VWA8: variants seen among roughly 807,000 people sequenced by gnomAD.
VWA8 encodes the protein von Willebrand factor A domain-containing protein 8.
A neutral mutation model predicts 241.5 loss-of-function variants in VWA8; 221 were observed. The ratio of observed to expected loss-of-function variants is 0.91; its 90% confidence interval spans 0.82 to 1.02. The LOEUF (loss-of-function observed/expected upper bound fraction) is 1.02. Ranked by LOEUF, VWA8 falls within the 50% of genes least tolerant of loss-of-function variation. VWA8 has a pLI of 0.00. For synonymous variants in VWA8, 852 were observed against 827.1 expected (o/e 1.03, Z -0.52); for missense variants, 2,322 against 2,328.7 (o/e 1.00, Z 0.06).
chr13:41,632,208 A>C (rs1253158284), intron 37 of VWA8, among the ~76,000 whole-genome samples: 45 of 152,188 alleles, frequency 3.0e-4, no homozygotes, highest in Admixed American at 2.9e-3. Context: ...ATTAAAGCTC[A>C]ATGATCTCTC....
chr13:41,864,298 A>T (rs1873187256), intron 12 of VWA8, among the ~76,000 whole-genome samples: 2 of 152,184 alleles, frequency 1.3e-5, no homozygotes. Context: ...ATATGATCCA[A>T]TAATTCCATT....
Position 41,717,151 on chromosome 13 carries a change from G to T in VWA8, c.3116+2440C>A, listed in dbSNP as rs921308663. On this transcript the variant is annotated intron_variant, in intron 26 of 44. Coordinates refer to ENST00000379310, the MANE Select transcript of VWA8 (RefSeq NM_015058.2). The stretch of plus-strand genomic sequence containing the variant: ...ATAATTGCATATTCTGGCCTGGCCA[G>T]GGCAGTCTTATTTTACACTCTTTTT... 5.9e-5 allele frequency among the ~76,000 whole-genome samples: 9 copies of T among 151,960 alleles called. No individual in the cohort carries two copies. In the South Asian group the frequency reaches 1.7e-3, roughly 28 times the overall value.
At chr13:41,787,975 A>G (rs1387335929) in intron 17 of VWA8, among the ~76,000 whole-genome samples, 1 of 152,214 alleles carries the variant, frequency 6.6e-6, no homozygotes, top group Admixed American at 6.5e-5. Flanking sequence ...AGTTTCTAAC[A>G]TAAGCTTCTG....
At chr13:41,583,605 T>C (rs1365811550) in intron 42 of VWA8, among the ~76,000 whole-genome samples, 1 of 140,130 alleles carries the variant, frequency 7.1e-6, no homozygotes, top group East Asian at 2.1e-4. Flanking sequence ...ATCACGCCAC[T>C]GCACTCCAGC....
At chr13:41,817,663 G>A (rs1346445869) in intron 15 of VWA8, among the ~76,000 whole-genome samples, 1 of 152,100 alleles carries the variant, frequency 6.6e-6, no homozygotes, top group Non-Finnish European at 1.5e-5. Flanking sequence ...CTATGACTGA[G>A]TAATTTACTC....
intron 18 of VWA8, among the ~76,000 whole-genome samples, chr13:41,784,459 T>G (rs1869043540): frequency 6.6e-6 from 1 of 151,756 alleles, no homozygotes; most frequent in Non-Finnish European, 1.5e-5. Flanking sequence ...GCCTAGGGGT[T>G]CAAGACCAGC....
In VWA8 at chr13:41,611,606, C is replaced by T; in HGVS notation, c.4847G>A (p.Arg1616Lys). 1.2e-6 allele frequency: 2 copies of T among 1,614,094 alleles called. No individual in the cohort carries two copies. The highest frequency in any genetic ancestry group is 1.7e-6 in the Non-Finnish European group (2 of 1,179,960). ...CTGGAATGCTCTCTGGCCCATCTCTCTAGCAGCTCTCTTGACCTCTTCGGG... is the reference window on the plus strand; with the variant it reads ...CTGGAATGCTCTCTGGCCCATCTCTTTAGCAGCTCTCTTGACCTCTTCGGG... Reference protein sequence around the residue: ...AVPEEVKRAAREMGQRAFQQR... With the variant: ...AVPEEVKRAAKEMGQRAFQQR... Residue 1616 changes from arginine to lysine, a missense_variant, in exon 39 of 45, where the codon AGA (arginine) becomes AAA (lysine). Arg to Lys is a conservative substitution (Grantham distance 26). Transcript: ENST00000379310.
intron 15 of VWA8, among the ~76,000 whole-genome samples, chr13:41,818,622 G>A (rs975120006): frequency 6.6e-6 from 1 of 152,062 alleles, no homozygotes; most frequent in Non-Finnish European, 1.5e-5. Flanking sequence ...GCATTGAAGC[G>A]TGCAGTTCTA....
intron 17 of VWA8, among the ~76,000 whole-genome samples, chr13:41,788,019 T>C (rs1869285462): frequency 6.6e-6 from 1 of 152,178 alleles, no homozygotes; most frequent in South Asian, 2.1e-4. Flanking sequence ...TCGTTCTTCC[T>C]ATTAAAAAAT....
chr13:41,573,486 A>AAAATAAATAAATATATATATATAT, intron 43 of VWA8, among the ~76,000 whole-genome samples: 1 of 113,614 alleles, frequency 8.8e-6, no homozygotes, highest in African/African-American at 3.4e-5. Flanking sequence ...AAAAAAAAAA[A>AAAATAAATAAATATATATATATAT]ATATATATAT....
intron 9 of VWA8, among the ~76,000 whole-genome samples, chr13:41,880,451 C>T (rs1457137639): frequency 1.3e-5 from 2 of 152,152 alleles, no homozygotes; most frequent in Admixed American, 6.5e-5. Flanking sequence ...TGAGGAAATC[C>T]ACTTAATATA....
chr13:41,941,615 A>T (rs1331685179), intron 2 of VWA8, among the ~76,000 whole-genome samples: 1 of 152,250 alleles, frequency 6.6e-6, no homozygotes, highest in Non-Finnish European at 1.5e-5. Context: ...TATTTTTAGC[A>T]TATCTCTTCA....
Position 41,783,835 on chromosome 13 carries a change from T to C in VWA8, c.2237A>G (p.Lys746Arg). 1.9e-6 allele frequency: 3 copies of C among 1,613,710 alleles called. No homozygotes were observed. The highest frequency in any genetic ancestry group is 1.7e-4 in the Middle Eastern group (1 of 6,054). Residue 746 changes from lysine to arginine, a missense_variant, in exon 19 of 45, where the codon AAA becomes AGA. Transcript: ENST00000379310. ...GAAAAGAACATCAGGCACTTTCATT[T>C]TCTCATGTGCATTATAGATCGGTGC... ...VSAPIYNAHE[K>R]MKVPDVLFYD...
intron 5 of VWA8, among the ~76,000 whole-genome samples, chr13:41,889,634 CT>C (rs939998919): frequency 6.6e-6 from 1 of 152,164 alleles, no homozygotes; most frequent in Non-Finnish European, 1.5e-5. Flanking sequence ...CTGCCTTAGC[CT>C]CCCAAAGTGC....
chr13:41,740,366 C>T (rs1012321470), intron 21 of VWA8, among the ~76,000 whole-genome samples: 5 of 151,990 alleles, frequency 3.3e-5, no homozygotes, highest in Non-Finnish European at 1.5e-5. Flanking sequence ...CATAATATAC[C>T]TAGTTTCTTT....
At chr13:41,879,221 A>G (rs763129484) in intron 9 of VWA8, among the ~76,000 whole-genome samples, 3 of 152,140 alleles carry the variant, frequency 2.0e-5, no homozygotes, top group African/African-American at 4.8e-5. Context: ...CTTGAAGTGA[A>G]CTATATTGTC....
chr13:41,779,950 C>T (rs1868810538), intron 19 of VWA8, among the ~76,000 whole-genome samples: 1 of 152,160 alleles, frequency 6.6e-6, no homozygotes, highest in Non-Finnish European at 1.5e-5. Flanking sequence ...CTCTTGACCA[C>T]TTAGTACTGC....
chr13:41,914,646 T>C (rs1876168388), intron 2 of VWA8, among the ~76,000 whole-genome samples: 1 of 152,228 alleles, frequency 6.6e-6, no homozygotes, highest in African/African-American at 2.4e-5. Flanking sequence ...AAACATATAA[T>C]TAAAAACTTA....
chr13:41,870,527 T>G (rs1278045064), intron 9 of VWA8, among the ~76,000 whole-genome samples: 1 of 151,004 alleles, frequency 6.6e-6, no homozygotes, highest in Non-Finnish European at 1.5e-5. Flanking sequence ...TAATCCCAGC[T>G]ACTCGGGAGG....
Sources: allele counts gnomAD v4.1 joint callset (sites outside exome capture counted in the v4.1 genomes callset), GRCh38; gene constraint gnomAD v4.1.1; transcripts MANE v1.5; gene names NCBI Gene and HGNC (gene_info 2026-07-23, HGNC 2026-07-21).